DELE1: variants seen among roughly 807,000 people sequenced by gnomAD.
The protein encoded by DELE1 is death ligand signal enhancer.
A neutral mutation model predicts 59.3 loss-of-function variants in DELE1; 54 were observed. That is an observed-to-expected ratio of 0.91 (90% confidence interval 0.73 to 1.14). DELE1 has a LOEUF of 1.14. Among genes scored for constraint, DELE1 ranks in the 50% most tolerant of loss-of-function variants. DELE1 has a pLI of 0.00. For synonymous variants in DELE1, 264 were observed against 259.1 expected, an observed-to-expected ratio of 1.02 and a Z score of -0.18; for missense variants, 636 against 643.9, an observed-to-expected ratio of 0.99 and a Z score of 0.13.
At chr5:141,926,131 G>A (rs1751400285) in intron 3 of DELE1, among the ~76,000 whole-genome samples, 1 of 152,088 alleles carries the variant, frequency 6.6e-6, no homozygotes. Context: ...ACCCACCGCG[G>A]CCTCCCAAAG....
rs1455829024 is a variant in DELE1, at chr5:141,940,143, G to A, written c.*1384G>A. On this transcript the variant is annotated 3_prime_UTR_variant, in exon 12 of 12. Coordinates refer to ENST00000432126, the MANE Select transcript of DELE1 (RefSeq NM_014773.5). ...TAGGTGTTTAATAAAACAGATATTGGATTATCTCATCACTCTTGCCCTTGA... is the reference window on the plus strand; with the variant it reads ...TAGGTGTTTAATAAAACAGATATTGAATTATCTCATCACTCTTGCCCTTGA... 1.0e-6 allele frequency: 1 copy of A among 985,312 alleles called. No homozygotes were observed. The highest frequency in any genetic ancestry group is 6.1e-5 in the Admixed American group (1 of 16,268). 61.0% of individuals were successfully genotyped at this position (985,312 alleles called of 1,614,324 possible). A position where few individuals can be genotyped will look rare whatever the true frequency, so the allele number is the denominator to read the frequency against.
intron 8 of DELE1, chr5:141,933,652 GATTA>G (rs1203946877): frequency 4.2e-6 from 1 of 237,416 alleles, no homozygotes; most frequent in African/African-American, 2.3e-5. Flanking sequence ...TTGATGAATG[GATTA>G]ATTAATTTTT....
intron 2 of DELE1, 71 bp downstream of exon 2, chr5:141,924,766 T>TTC: frequency 1.9e-6 from 2 of 1,036,564 alleles, no homozygotes; most frequent in Non-Finnish European, 2.9e-6. Flanking sequence ...TTTTTTTTGT[T>TTC]GTTTTTTGAG....
chr5:141,941,565 A>G lies in DELE1; in HGVS notation c.*2806A>G. The G allele has an allele frequency of 1.0e-6, 1 of 985,406 alleles. No homozygotes were observed. The highest frequency in any genetic ancestry group is 1.2e-6 in the Non-Finnish European group (1 of 829,972). The allele number at this position is 985,406 out of a possible 1,614,324, so 61.0% of individuals were successfully genotyped here. ...TCATCAGTGCCCCAGAGGAAGTGTG[A>G]GAGGACGAGAGGGAGGTGGCTCCCA... On this transcript the variant is annotated 3_prime_UTR_variant, in exon 12 of 12. Coordinates refer to ENST00000432126, the MANE Select transcript of DELE1 (RefSeq NM_014773.5).
chr5:141,941,722 G>C lies in DELE1; in HGVS notation c.*2963G>C. 3.0e-6 allele frequency: 3 copies of C among 985,328 alleles called. No individual in the cohort carries two copies. The highest frequency in any genetic ancestry group is 4.7e-5 in the South Asian group (1 of 21,282). The allele number at this position is 985,328 out of a possible 1,614,324, so 61.0% of individuals were successfully genotyped here. A position where few individuals can be genotyped will look rare whatever the true frequency, so the allele number is the denominator to read the frequency against. On this transcript the variant is annotated 3_prime_UTR_variant, in exon 12 of 12. Coordinates refer to ENST00000432126, the MANE Select transcript of DELE1 (RefSeq NM_014773.5). ...TGTTTTCAGGGAGTCCTGACACTAT[G>C]ATGGGAACAAGGCTATTTGGTTTAC...
At chr5:141,936,877 A>G in intron 10 of DELE1, 1 of 985,360 alleles carries the variant, frequency 1.0e-6, no homozygotes, top group Non-Finnish European at 1.2e-6. Context: ...CCCGACTCCC[A>G]GGTTTGCTAT....
At position 141,925,569 on chromosome 5, in the gene DELE1, G is replaced by A. The variant is rs1484980519; in HGVS notation, c.264+42G>A. 3 of 1,329,996 alleles carry A rather than the reference G, an allele frequency of 2.3e-6. No homozygotes were observed. The African/African-American group carries it at 4.5e-5, about 20-fold the overall frequency. 82.4% of individuals were successfully genotyped at this position (1,329,996 alleles called of 1,614,324 possible). ...CTGGTCCTTGACCTTCAGTGTAGAT[G>A]AGAATGATCCTTCATGGGTATACAG... On this transcript the variant is annotated intron_variant, in intron 3 of 11. Coordinates refer to ENST00000432126, the MANE Select transcript of DELE1 (RefSeq NM_014773.5).
intron 7 of DELE1, among the ~76,000 whole-genome samples, chr5:141,932,241 G>C (rs774135909): frequency 2.6e-5 from 4 of 152,180 alleles, no homozygotes; most frequent in Non-Finnish European, 4.4e-5. Flanking sequence ...GTTGAGAATT[G>C]GCCGTGCCCT....
Position 141,941,461 on chromosome 5 carries a change from G to C in DELE1, c.*2702G>C. ...GTTCAGTCACTGCGGTCTTGATCCA[G>C]CCCCAGGGGGATGGGCTTCACTGGC... On this transcript the variant is annotated 3_prime_UTR_variant, in exon 12 of 12. Coordinates refer to ENST00000432126, the MANE Select transcript of DELE1 (RefSeq NM_014773.5). The C allele has an allele frequency of 2.0e-6, 2 of 985,512 alleles. No individual in the cohort carries two copies. Among genetic ancestry groups the C allele is most frequent in the Non-Finnish European group, 2.4e-6 (2 of 829,982 alleles). 61.0% of individuals were successfully genotyped at this position (985,512 alleles called of 1,614,324 possible).
chr5:141,924,716 C>A, intron 2 of DELE1, 21 bp downstream of exon 2: 2 of 1,413,174 alleles, frequency 1.4e-6, no homozygotes, highest in Non-Finnish European at 2.0e-6. Context: ...GCCATTTTAC[C>A]ACTCATTTCC....
chr5:141,934,771 T>TGGTAC, intron 10 of DELE1, 185 bp downstream of exon 10: 1 of 607,722 alleles, frequency 1.6e-6, no homozygotes, highest in Non-Finnish European at 2.9e-6. Flanking sequence ...ACGCCAGAGC[T>TGGTAC]GGCTTGCACC....
intron 4 of DELE1, 80 bp from the exon 5 acceptor site, chr5:141,929,502 G>T (rs1751708756): frequency 4.0e-6 from 6 of 1,482,490 alleles, no homozygotes; most frequent in South Asian, 1.2e-5. Flanking sequence ...CACCCGCCTC[G>T]GCCTCCCAAG....
chr5:141,940,164 C>G lies in DELE1; in HGVS notation c.*1405C>G. 1.0e-6 allele frequency: 1 copy of G among 985,334 alleles called. No individual in the cohort carries two copies. The highest frequency in any genetic ancestry group is 1.2e-6 in the Non-Finnish European group (1 of 829,928). The allele number at this position is 985,334 out of a possible 1,614,324, so 61.0% of individuals were successfully genotyped here. Reference sequence around the variant, plus strand: ...ATTGGATTATCTCATCACTCTTGCCCTTGAGTATTATGGGAAGAGCCAGGG... The same window carrying G: ...ATTGGATTATCTCATCACTCTTGCCGTTGAGTATTATGGGAAGAGCCAGGG... On this transcript the variant is annotated 3_prime_UTR_variant, in exon 12 of 12. Transcript: ENST00000432126.
rs368973259 is a variant in DELE1 at position 141,938,510 on chromosome 5, T to C, written c.1310-11T>C. 1 of 1,612,802 alleles carries C rather than the reference T, an allele frequency of 6.2e-7. No individual in the cohort carries two copies. Among genetic ancestry groups the C allele is most frequent in the Non-Finnish European group, 8.5e-7 (1 of 1,179,226 alleles). ...AGCAAGAGTAAGAGTTGCTCTCACCTCTTCTTGTAGCCCCGGGGCCCAGCG... is the reference window on the plus strand; with the variant it reads ...AGCAAGAGTAAGAGTTGCTCTCACCCCTTCTTGTAGCCCCGGGGCCCAGCG... On this transcript the variant is annotated splice_polypyrimidine_tract_variant and intron_variant, in intron 11 of 11. Coordinates refer to ENST00000432126, the MANE Select transcript of DELE1 (RefSeq NM_014773.5).
At chr5:141,930,718 C>T (rs969943609) in intron 7 of DELE1, among the ~76,000 whole-genome samples, 5 of 152,210 alleles carry the variant, frequency 3.3e-5, no homozygotes, top group Admixed American at 6.5e-5. Context: ...GAACAGGCTC[C>T]TGGGGTTTGG....
intron 3 of DELE1, among the ~76,000 whole-genome samples, chr5:141,927,935 C>CG (rs61217935): frequency 0.06 from 9,165 of 152,184 alleles, 912 homozygotes; most frequent in African/African-American, 0.21. Flanking sequence ...TGCTTATAGA[C>CG]TAACAGGAGA....
intron 8 of DELE1, 72 bp downstream of exon 8, chr5:141,933,473 C>A (rs1001625024): frequency 4.1e-5 from 50 of 1,217,108 alleles, no homozygotes; most frequent in Non-Finnish European, 5.2e-5. Flanking sequence ...GAGCAGTGGG[C>A]AGGGATGGGG....
chr5:141,933,094 C>CA lies in DELE1; in HGVS notation c.755-147dup, dbSNP rs56720043. ...TGGGCAACAGAGCAAGACTCCATCT[C>CA]AAAAAAAAAAAAAAAAAATATATAT... On this transcript the variant is annotated intron_variant, in intron 7 of 11. Coordinates refer to ENST00000432126, the MANE Select transcript of DELE1 (RefSeq NM_014773.5). 5.2e-3 allele frequency among the ~76,000 whole-genome samples: 525 copies of CA among 100,996 alleles called. 3 individuals are homozygous for CA. Among genetic ancestry groups the CA allele is most frequent in the African/African-American group, 0.015 (416 of 27,266 alleles). The allele number at this position is 100,996 out of a possible 152,430, so 66.3% of individuals were successfully genotyped here.
intron 10 of DELE1, among the ~76,000 whole-genome samples, chr5:141,936,118 GTGAA>G (rs1223763980): frequency 1.3e-5 from 2 of 152,206 alleles, no homozygotes; most frequent in Non-Finnish European, 2.9e-5. Flanking sequence ...AATTGGGAGA[GTGAA>G]TATGATTCAT....
Sources: allele counts gnomAD v4.1 joint callset (sites outside exome capture counted in the v4.1 genomes callset), GRCh38; gene constraint gnomAD v4.1.1; transcripts MANE v1.5; gene names NCBI Gene and HGNC (gene_info 2026-07-23, HGNC 2026-07-21).